SEC31B: variants seen among roughly 807,000 people sequenced by gnomAD.
SEC31B encodes the protein protein transport protein Sec31B.
In SEC31B, 113 loss-of-function variants were observed where a neutral mutation model predicts 135.0. That is an observed-to-expected ratio of 0.84 (90% CI 0.72 to 0.98). The LOEUF (loss-of-function observed/expected upper bound fraction) is 0.98. SEC31B is among the 50% of genes least tolerant of loss of function. The pLI is 0.00. For missense variants in SEC31B, 1,296 were observed against 1,421.1 expected (o/e 0.91, Z 1.42); for synonymous variants, 508 against 549.4 (o/e 0.92, Z 1.05).
intron 11 of SEC31B, chr10:100,499,980 C>T (rs553219932): frequency 2.3e-6 from 1 of 430,686 alleles, no homozygotes; most frequent in South Asian, 1.7e-5. Context: ...TATGCATTTC[C>T]CTGTTTGCAG....
rs1414364259 is a variant in SEC31B at position 100,488,966 on chromosome 10, G to T, written c.3180C>A (p.His1060Gln). 6.2e-7 allele frequency: 1 copy of T among 1,602,388 alleles called. No homozygotes were observed. The highest frequency in any genetic ancestry group is 1.3e-5 in the African/African-American group (1 of 74,216). The stretch of plus-strand genomic sequence containing the variant: ...TCCTTTCCATCTTCTCAGGTGGCAG[G>T]TGCTGAAGCTGCTGATAAAGAAGCA... Reference protein sequence around the residue: ...VPGELSLQLQHLPPEKMERKE... With the variant: ...VPGELSLQLQQLPPEKMERKE... The change falls in exon 24 of 26, where the codon CAC (histidine) becomes CAA (glutamine). Residue 1060 changes from histidine (H) to glutamine (Q), a missense_variant. Transcript: ENST00000370345.
chr10:100,508,789 C>A, intron 5 of SEC31B: 1 of 577,820 alleles, frequency 1.7e-6, no homozygotes, highest in Non-Finnish European at 3.1e-6. Flanking sequence ...ACTCTTAGAA[C>A]GAGTAATGAG....
chr10:100,510,996 T>A (rs796730104), intron 3 of SEC31B, among the ~76,000 whole-genome samples: 2 of 152,108 alleles, frequency 1.3e-5, no homozygotes, highest in Non-Finnish European at 2.9e-5. Context: ...GCGGAGGGTA[T>A]GTGCAGTGAA....
In SEC31B at chr10:100,498,671, C is replaced by A. The variant is rs576323405; in HGVS notation, c.1684+34G>T. 3.2e-5 allele frequency: 49 copies of A among 1,520,966 alleles called. 1 individual carries two copies. Among genetic ancestry groups the A allele is most frequent in the Middle Eastern group, 3.8e-4 (2 of 5,218 alleles). The allele number at this position is 1,520,966 out of a possible 1,614,324, so 94.2% of individuals were successfully genotyped here. A position where few individuals can be genotyped will look rare whatever the true frequency, so the allele number is the denominator to read the frequency against. On this transcript the variant is annotated intron_variant, in intron 14 of 25. Coordinates refer to ENST00000370345, the MANE Select transcript of SEC31B (RefSeq NM_015490.4). Reference sequence around the variant, plus strand: ...ACCTCCGTGCCCACCTAGTCCTAAGCAGAGACTCTCCCTCTCCCTCAGGGT... The same window carrying A: ...ACCTCCGTGCCCACCTAGTCCTAAGAAGAGACTCTCCCTCTCCCTCAGGGT...
At chr10:100,507,880 A>G (rs1253087939) in intron 6 of SEC31B, 28 bp downstream of exon 6, 1 of 1,613,962 alleles carries the variant, frequency 6.2e-7, no homozygotes, top group Non-Finnish European at 8.5e-7. Context: ...CCAGAGCCCA[A>G]GCCTGTGTTC....
chr10:100,488,453 C>T (rs1447560350), intron 24 of SEC31B, among the ~76,000 whole-genome samples: 3 of 104,578 alleles, frequency 2.9e-5, no homozygotes, highest in Non-Finnish European at 5.6e-5. Context: ...AGCGAGACTC[C>T]ATCTCAAAAA....
intron 18 of SEC31B, among the ~76,000 whole-genome samples, chr10:100,495,813 G>A (rs1463471829): frequency 1.3e-5 from 2 of 152,106 alleles, no homozygotes; most frequent in African/African-American, 2.4e-5. Flanking sequence ...AAGCACCCAC[G>A]ACTGTATTCT....
At chr10:100,503,040 C>G (rs1851552127) in intron 10 of SEC31B, among the ~76,000 whole-genome samples, 1 of 152,180 alleles carries the variant, frequency 6.6e-6, no homozygotes, top group East Asian at 1.9e-4. Flanking sequence ...TTAAGCTCCC[C>G]TTCCTGCAGT....
chr10:100,502,124 A>G, intron 11 of SEC31B, 130 bp downstream of exon 11: 1 of 719,056 alleles, frequency 1.4e-6, no homozygotes, highest in Non-Finnish European at 2.4e-6. Context: ...GTGTGGGGGA[A>G]AAACTAATGG....
chr10:100,504,554 C>T (rs114373136), intron 10 of SEC31B, among the ~76,000 whole-genome samples: 1,852 of 152,110 alleles, frequency 0.012, 49 homozygotes, highest in African/African-American at 0.042. Context: ...TGTGAAGCAC[C>T]GCTTTGGGGA....
At chr10:100,488,746 C>T in intron 24 of SEC31B, 112 bp downstream of exon 24, 1 of 1,362,932 alleles carries the variant, frequency 7.3e-7, no homozygotes, top group Admixed American at 2.6e-5. Context: ...ATAGAGACAG[C>T]ATGTCCAGGG....
intron 20 of SEC31B, 75 bp downstream of exon 20, chr10:100,490,631 T>C: frequency 7.1e-7 from 1 of 1,400,896 alleles, no homozygotes; most frequent in Non-Finnish European, 9.5e-7. Flanking sequence ...GCTTCCCAAA[T>C]CCATGCTGGC....
At chr10:100,498,940 G>A in intron 13 of SEC31B, 136 bp from the exon 14 acceptor site, 1 of 721,290 alleles carries the variant, frequency 1.4e-6, no homozygotes, top group East Asian at 2.6e-5. Flanking sequence ...AAGGTTTGGG[G>A]AGGGCCATAG....
rs1440569587 is a variant in SEC31B, at chr10:100,487,687, A to G, written c.3469T>C (p.Phe1157Leu). Residue 1157 changes from phenylalanine to leucine, a missense_variant, in exon 26 of 26, where the codon TTC becomes CTC. By Grantham distance (22) the Phe-to-Leu change is conservative. Coordinates refer to ENST00000370345, the MANE Select transcript of SEC31B (RefSeq NM_015490.4). The part of the protein sequence containing the change: ...VHAQVAGCSS[F>L]SEVSSFMPIL... ...GGCATGAAGCTGGACACCTCGCTGA[A>G]GCTGCTACAGCCCGCCACCTGGGCA... The G allele has an allele frequency of 6.2e-7, 1 of 1,613,900 alleles. No homozygotes were observed. Among genetic ancestry groups the G allele is most frequent in the Admixed American group, 1.7e-5 (1 of 59,992 alleles).
rs1453586772 is a variant in SEC31B, at chr10:100,497,209, A to G, written c.2062T>C (p.Cys688Arg). 6.2e-7 allele frequency: 1 copy of G among 1,614,240 alleles called. No homozygotes were observed. The highest frequency in any genetic ancestry group is 1.6e-4 in the Middle Eastern group (1 of 6,062). ...LTSEARLCYVCSGSVERLVEC... is the reference protein window; with the variant it reads ...LTSEARLCYVRSGSVERLVEC... ...ACCAGCCGCTCCACACTCCCTGAGC[A>G]CACATAACAGAGTCTGGCTTCGGAG... The change falls in exon 17 of 26, where the codon TGC becomes CGC. Residue 688 changes from cysteine (C) to arginine (R), a missense_variant. By Grantham distance (180) the Cys-to-Arg change is radical. Transcript: ENST00000370345.
intron 1 of SEC31B, among the ~76,000 whole-genome samples, chr10:100,518,830 C>T (rs931992692): frequency 6.6e-6 from 1 of 152,194 alleles, no homozygotes; most frequent in Admixed American, 6.5e-5. Context: ...TTTAAGCCTG[C>T]CCATTAAGCC....
chr10:100,500,833 C>T (rs1258265118), intron 11 of SEC31B, among the ~76,000 whole-genome samples: 2 of 152,170 alleles, frequency 1.3e-5, no homozygotes, highest in African/African-American at 4.8e-5. Context: ...CACCCTTCTC[C>T]TTCCATGCCC....
intron 5 of SEC31B, chr10:100,508,523 TAC>T: frequency 2.2e-6 from 1 of 463,094 alleles, no homozygotes; most frequent in Middle Eastern, 3.2e-4. Flanking sequence ...TGGGCCCAGT[TAC>T]AGATTGACAG....
rs781225682 is a variant in SEC31B at position 100,496,303 on chromosome 10, G to A, written c.2265C>T (p.Gly755=). ...TQYANLLAAQ[G]SLATAMSFLP... is the part of the protein sequence containing the mutation. ...GAAAGCTCATGGCAGTGGCCAGGCT[G>A]CCCTGGGCTGCCAGGAGGTTGGCAT... The change falls in exon 18 of 26, where the codon GGC becomes GGT. Residue 755 remains glycine, a synonymous_variant. Coordinates refer to ENST00000370345, the MANE Select transcript of SEC31B (RefSeq NM_015490.4). The A allele has an allele frequency of 1.2e-6, 2 of 1,614,224 alleles. No homozygotes were observed.
Sources: allele counts gnomAD v4.1 joint callset (sites outside exome capture counted in the v4.1 genomes callset), GRCh38; gene constraint gnomAD v4.1.1; transcripts MANE v1.5; gene names NCBI Gene and HGNC (gene_info 2026-07-23, HGNC 2026-07-21).